The following XDH variants were observed in gnomAD, a reference collection of about 807,000 sequenced individuals.
The protein encoded by XDH is xanthine dehydrogenase.
In XDH, 138 loss-of-function variants were observed where a neutral mutation model predicts 156.1. That is an observed-to-expected ratio of 0.88 (90% confidence interval 0.77 to 1.02). The LOEUF (loss-of-function observed/expected upper bound fraction) is 1.02, where lower values mean the gene tolerates loss of function less well. Ranked by LOEUF, XDH falls within the 50% of genes least tolerant of loss-of-function variation. The pLI is 0.00. For missense variants in XDH, 1,849 were observed against 1,684.9 expected, an observed-to-expected ratio of 1.10 and a Z score of -1.71; for synonymous variants, 669 against 625.7, an observed-to-expected ratio of 1.07 and a Z score of -1.03.
chr2:31,388,245 G>T lies in XDH; in HGVS notation c.546C>A (p.Asn182Lys). Residue 182 changes from asparagine to lysine, a missense_variant, in exon 7 of 36, where the codon AAC becomes AAA. By Grantham distance (94) the Asn-to-Lys change is moderately conservative (BLOSUM62 0). Coordinates refer to ENST00000379416, the MANE Select transcript of XDH (RefSeq NM_000379.4). ...GDGNNPNCCM[N>K]QKKDHSVSLS... ...CACTTACTGAGTGGTCTTTCTTCTG[G>T]TTCATGCAGCAATTTGGATTATTCC... 1 of 1,614,154 alleles carries T rather than the reference G, an allele frequency of 6.2e-7. No individual in the cohort carries two copies. The highest frequency in any genetic ancestry group is 8.5e-7 in the Non-Finnish European group (1 of 1,180,034).
At chr2:31,372,533 G>T in intron 16 of XDH, 136 bp from the exon 17 acceptor site, 1 of 1,153,520 alleles carries the variant, frequency 8.7e-7, no homozygotes, top group Non-Finnish European at 1.2e-6. Flanking sequence ...AGAGGGGCGT[G>T]GGGCAAAGGG....
chr2:31,372,669 A>G (rs1686109335), intron 16 of XDH, among the ~76,000 whole-genome samples: 1 of 152,198 alleles, frequency 6.6e-6, no homozygotes, highest in Non-Finnish European at 1.5e-5. Context: ...GCAGCCCCAT[A>G]TAACACAATA....
intron 5 of XDH, 25 bp from the exon 6 acceptor site, chr2:31,397,754 A>G (rs1572564385): frequency 6.2e-7 from 1 of 1,613,672 alleles, no homozygotes; most frequent in Non-Finnish European, 8.5e-7. Context: ...AAAAACTGCA[A>G]TGTCAGTGCA....
At chr2:31,378,127 G>GA (rs1558696722) in intron 13 of XDH, among the ~76,000 whole-genome samples, 1 of 47,900 alleles carries the variant, frequency 2.1e-5, no homozygotes, top group Admixed American at 2.3e-4. Flanking sequence ...AGGAAGGAAG[G>GA]AAGGAAGGAA....
At chr2:31,379,834 G>T in intron 13 of XDH, 33 bp downstream of exon 13, 1 of 1,602,490 alleles carries the variant, frequency 6.2e-7, no homozygotes, top group South Asian at 1.1e-5. Context: ...GGACTTATTT[G>T]AGCAGAGCCT....
intron 13 of XDH, among the ~76,000 whole-genome samples, chr2:31,378,673 G>T (rs914060819): frequency 6.9e-6 from 1 of 144,520 alleles, no homozygotes; most frequent in Admixed American, 6.9e-5. Flanking sequence ...GGACATTCTC[G>T]CTGGGGTACA....
intron 33 of XDH, among the ~76,000 whole-genome samples, chr2:31,340,917 A>G (rs1405376169): frequency 6.6e-6 from 1 of 152,144 alleles, no homozygotes; most frequent in Non-Finnish European, 1.5e-5. Context: ...TTCCTGGGGT[A>G]CAAAAGCTGT....
chr2:31,372,549 G>T lies in XDH; in HGVS notation c.1687-152C>A, dbSNP rs912444660. On this transcript the variant is annotated intron_variant, in intron 16 of 35. Coordinates refer to ENST00000379416, the MANE Select transcript of XDH (RefSeq NM_000379.4). ...GAGGGGCGTGGGGCAAAGGGAACAG[G>T]AAGGTGCATAAGTGATAGCAAGGGT... The T allele has an allele frequency of 8.2e-6, 8 of 973,898 alleles. No individual in the cohort carries two copies. In the African/African-American group the frequency reaches 1.1e-4, roughly 14 times the overall value. 60.3% of individuals were successfully genotyped at this position (973,898 alleles called of 1,614,324 possible).
intron 17 of XDH, among the ~76,000 whole-genome samples, chr2:31,371,847 T>C (rs1686080414): frequency 6.6e-6 from 1 of 152,196 alleles, no homozygotes; most frequent in Non-Finnish European, 1.5e-5. Flanking sequence ...GGAAGGGCTT[T>C]TCCTAGCTGA....
At chr2:31,366,271 C>T (rs1685913585) in intron 21 of XDH, among the ~76,000 whole-genome samples, 162 bp from the exon 22 acceptor site, 1 of 152,202 alleles carries the variant, frequency 6.6e-6, no homozygotes, top group South Asian at 2.1e-4. Context: ...GATGCTGGGG[C>T]CTGCCAGACT....
intron 16 of XDH, among the ~76,000 whole-genome samples, chr2:31,373,666 GA>G (rs1326388853): frequency 6.6e-6 from 1 of 151,994 alleles, no homozygotes; most frequent in African/African-American, 2.4e-5. Context: ...TAATCCCAAA[GA>G]GAGAAATTTA....
intron 16 of XDH, 81 bp from the exon 17 acceptor site, chr2:31,372,478 C>T (rs889339856): frequency 3.1e-5 from 50 of 1,589,896 alleles, no homozygotes; most frequent in African/African-American, 1.3e-5. Context: ...TGGTGAGCTT[C>T]ATGCTACATG....
chr2:31,345,196 T>C (rs1685249011), intron 30 of XDH, among the ~76,000 whole-genome samples: 1 of 152,188 alleles, frequency 6.6e-6, no homozygotes, highest in South Asian at 2.1e-4. Context: ...CCTTTATTTA[T>C]GTGGTTCCTC....
At chr2:31,406,411 T>G (rs2148010991) in intron 1 of XDH, among the ~76,000 whole-genome samples, 1 of 152,288 alleles carries the variant, frequency 6.6e-6, no homozygotes, top group East Asian at 1.9e-4. Context: ...GCCAACTAAA[T>G]CTCTTTTCTT....
intron 34 of XDH, among the ~76,000 whole-genome samples, chr2:31,339,193 G>A (rs1241770790): frequency 6.6e-6 from 1 of 152,128 alleles, no homozygotes; most frequent in African/African-American, 2.4e-5. Context: ...CCTGAGATAT[G>A]GGTGTGGGCC....
At chr2:31,375,023 C>CTTTTTTTT (rs60340656) in intron 15 of XDH, among the ~76,000 whole-genome samples, 79 of 92,326 alleles carry the variant, frequency 8.6e-4, no homozygotes, top group African/African-American at 1.5e-3. Context: ...TTCTTTCTTT[C>CTTTTTTTT]TTTTTTTTTT....
At chr2:31,392,026 GTT>G (rs1012003552) in intron 6 of XDH, among the ~76,000 whole-genome samples, 243 of 152,286 alleles carry the variant, frequency 1.6e-3, no homozygotes, top group African/African-American at 5.3e-3. Flanking sequence ...TTTTGTATGA[GTT>G]TTGGTAGCTT....
In XDH at chr2:31,386,445, G is replaced by A. The variant is rs140858800; in HGVS notation, c.762C>T (p.Asp254=). ...CCGTGTTCCCCACGACCAGCTTGGC[G>A]TCAGGGTGCTGAGCCTTGAGGTCCA... The part of the protein sequence containing the change: ...ELLDLKAQHP[D]AKLVVGNTEI... Residue 254 remains aspartate, a synonymous_variant, in exon 9 of 36, where the codon GAC becomes GAT. Transcript: ENST00000379416. 4.3e-5 allele frequency: 69 copies of A among 1,613,866 alleles called. No homozygotes were observed. Among genetic ancestry groups the A allele is most frequent in the African/African-American group, 1.6e-4 (12 of 75,004 alleles).
chr2:31,344,265 AAAG>A (rs1445921283), intron 31 of XDH, among the ~76,000 whole-genome samples: 1 of 152,172 alleles, frequency 6.6e-6, no homozygotes, highest in African/African-American at 2.4e-5. Context: ...CACACAGTAC[AAAG>A]AAGGATGCAT....
Sources: allele counts gnomAD v4.1 joint callset (sites outside exome capture counted in the v4.1 genomes callset), GRCh38; gene constraint gnomAD v4.1.1; transcripts MANE v1.5; gene names NCBI Gene and HGNC (gene_info 2026-07-23, HGNC 2026-07-21).